The following ABCB1 variants were observed in gnomAD, a reference collection of about 807,000 sequenced individuals.
ABCB1 encodes ATP binding cassette subfamily B member 1.
ABCB1 carries 69 observed loss-of-function variants against 142.0 expected under a neutral mutation model. The observed-to-expected ratio is 0.49, with a 90% CI of 0.40 to 0.59. The LOEUF (loss-of-function observed/expected upper bound fraction) is 0.59. ABCB1 is among the 20% of genes least tolerant of loss of function. The probability of loss-of-function intolerance (pLI) is 0.00; values close to 1 mark genes in which losing one functional copy is unlikely to be tolerated. For synonymous variants in ABCB1, 532 were observed against 539.2 expected, an observed-to-expected ratio of 0.99 and a Z score of 0.18; for missense variants, 1,326 against 1,554.7, an observed-to-expected ratio of 0.85 and a Z score of 2.47.
At chr7:87,533,180 A>C (rs1476448238) in intron 20 of ABCB1, among the ~76,000 whole-genome samples, 1 of 152,058 alleles carries the variant, frequency 6.6e-6, no homozygotes, top group Non-Finnish European at 1.5e-5. Context: ...CTTTAGTTTG[A>C]AGGTCAAAGG....
chr7:87,703,914 G>GTTTTTTTTTTT (rs35797972), intron 1 of ABCB1, among the ~76,000 whole-genome samples: 133 of 42,972 alleles, frequency 3.1e-3, no homozygotes, highest in East Asian at 3.3e-3. Flanking sequence ...TTTTTTTTTG[G>GTTTTTTTTTTT]TTTTTTTTTT....
intron 1 of ABCB1, among the ~76,000 whole-genome samples, chr7:87,615,850 GA>G (rs1203001910): frequency 6.6e-6 from 1 of 152,026 alleles, no homozygotes; most frequent in African/African-American, 2.4e-5. Context: ...TTTCCTATTG[GA>G]AAAAAATGAT....
intron 20 of ABCB1, 150 bp from the exon 21 acceptor site, chr7:87,531,647 G>T (rs1816062207): frequency 1.4e-6 from 1 of 693,566 alleles, no homozygotes; most frequent in South Asian, 1.9e-5. Context: ...AGTTTATTGA[G>T]TTTCTACAGT....
chr7:87,679,087 CTTTTTTTTT>C (rs35353390), intron 1 of ABCB1, among the ~76,000 whole-genome samples: 2 of 60,758 alleles, frequency 3.3e-5, no homozygotes, highest in South Asian at 1.2e-3. Flanking sequence ...AACACCCCAA[CTTTTTTTTT>C]TTTTTTTTTT....
chr7:87,579,805 T>A (rs1369905744), intron 4 of ABCB1, among the ~76,000 whole-genome samples: 2 of 152,214 alleles, frequency 1.3e-5, no homozygotes, highest in African/African-American at 4.8e-5. Flanking sequence ...TAATTTTTTA[T>A]GTATCTGCTG....
intron 3 of ABCB1, among the ~76,000 whole-genome samples, chr7:87,587,069 C>G (rs905306736): frequency 6.6e-6 from 1 of 152,084 alleles, no homozygotes; most frequent in African/African-American, 2.4e-5. Flanking sequence ...AATGGGACAA[C>G]ACGTTTTGGC....
rs555127706 is a variant in ABCB1 at position 87,633,750 on chromosome 7, G to A, written c.-330-32672C>T. On this transcript the variant is annotated intron_variant, in intron 1 of 28. Transcript: ENST00000265724. ...ACTCTGAACTTCTTAACATTCTGGTGCTAACTAATCAGAAAAACTGTCTAG... is the reference window on the plus strand; with the variant it reads ...ACTCTGAACTTCTTAACATTCTGGTACTAACTAATCAGAAAAACTGTCTAG... Among the ~76,000 whole-genome samples the A allele has an allele frequency of 2.6e-5, 4 of 152,056 alleles. No homozygotes were observed. In the South Asian group the frequency reaches 8.3e-4, roughly 32 times the overall value.
chr7:87,564,473 G>A (rs531851921), intron 7 of ABCB1, among the ~76,000 whole-genome samples: 7 of 152,228 alleles, frequency 4.6e-5, no homozygotes, highest in South Asian at 2.1e-4. Flanking sequence ...GTCTCTGGGC[G>A]CTGGGAAGAC....
chr7:87,562,578 T>C (rs1411562707), intron 7 of ABCB1, among the ~76,000 whole-genome samples: 1 of 152,148 alleles, frequency 6.6e-6, no homozygotes, highest in African/African-American at 2.4e-5. Context: ...TTTAAAGAAA[T>C]ACTTTAAAGT....
intron 14 of ABCB1, among the ~76,000 whole-genome samples, chr7:87,546,488 G>A (rs28381909): frequency 0.35 from 53,055 of 151,374 alleles, 9,358 homozygotes; most frequent in Admixed American, 0.4. Flanking sequence ...CTTGGGAGGT[G>A]GAGCTTGCAG....
intron 1 of ABCB1, among the ~76,000 whole-genome samples, chr7:87,642,438 G>C (rs1431644569): frequency 6.6e-6 from 1 of 151,988 alleles, no homozygotes; most frequent in Non-Finnish European, 1.5e-5. Flanking sequence ...CTTGGATAAA[G>C]AATAATTGGA....
intron 4 of ABCB1, among the ~76,000 whole-genome samples, chr7:87,584,907 C>T (rs1316101382): frequency 1.3e-5 from 2 of 151,908 alleles, no homozygotes; most frequent in African/African-American, 4.8e-5. Context: ...TTTCCATTAA[C>T]ACACAAAACA....
chr7:87,563,322 A>C (rs571074446), intron 7 of ABCB1: 3 of 453,200 alleles, frequency 6.6e-6, no homozygotes, highest in South Asian at 1.6e-5. Flanking sequence ...ATGAGGCCAG[A>C]ATAATCCTGA....
chr7:87,584,381 A>G (rs1584901259), intron 4 of ABCB1, among the ~76,000 whole-genome samples: 2 of 152,180 alleles, frequency 1.3e-5, no homozygotes, highest in East Asian at 1.9e-4. Context: ...GTATCACTAC[A>G]TTTTCAAGTA....
intron 21 of ABCB1, among the ~76,000 whole-genome samples, chr7:87,526,106 T>C (rs1445919303): frequency 6.6e-6 from 1 of 152,132 alleles, no homozygotes; most frequent in African/African-American, 2.4e-5. Context: ...TCTGGTGTGA[T>C]GTTTATTTGC....
intron 22 of ABCB1, among the ~76,000 whole-genome samples, chr7:87,520,554 A>G (rs1815453564): frequency 6.6e-6 from 1 of 152,192 alleles, no homozygotes; most frequent in African/African-American, 2.4e-5. Flanking sequence ...CTCCCTTCTC[A>G]TCAGTGACCC....
chr7:87,536,620 G>A, intron 19 of ABCB1, 79 bp from the exon 20 acceptor site: 2 of 1,315,734 alleles, frequency 1.5e-6, no homozygotes, highest in South Asian at 2.4e-5. Flanking sequence ...GATGGGGTCA[G>A]TTTTGTTTAT....
At chr7:87,563,613 A>C (rs1290818258) in intron 7 of ABCB1, among the ~76,000 whole-genome samples, 1 of 152,260 alleles carries the variant, frequency 6.6e-6, no homozygotes, top group Non-Finnish European at 1.5e-5. Flanking sequence ...ACTCATGATC[A>C]AAACTCTCAA....
intron 1 of ABCB1, among the ~76,000 whole-genome samples, chr7:87,607,634 C>A (rs746880116): frequency 8.5e-5 from 13 of 152,056 alleles, no homozygotes; most frequent in Admixed American, 2.0e-4. Context: ...TCACTGCAGC[C>A]TCAACCTCCT....
Sources: allele counts gnomAD v4.1 joint callset (sites outside exome capture counted in the v4.1 genomes callset), GRCh38; gene constraint gnomAD v4.1.1; transcripts MANE v1.5; gene names NCBI Gene and HGNC (gene_info 2026-07-23, HGNC 2026-07-21).